The following KCNN2 variants were observed in gnomAD, a reference collection of about 807,000 sequenced individuals.
KCNN2 encodes small conductance calcium-activated potassium channel protein 2.
In KCNN2, 24 loss-of-function variants were observed where a neutral mutation model predicts 55.5. The observed-to-expected ratio is 0.43, with a 90% CI of 0.31 to 0.61. KCNN2 has a LOEUF of 0.61. Among genes scored for constraint, KCNN2 ranks in the 20% least tolerant of loss-of-function variants. KCNN2 has a pLI of 0.08. For synonymous variants in KCNN2, 431 were observed against 336.1 expected, an observed-to-expected ratio of 1.28 and a Z score of -3.09; for missense variants, 754 against 853.6, an observed-to-expected ratio of 0.88 and a Z score of 1.45.
chr5:114,235,482 C>T (rs1198696958), intron 2 of KCNN2, among the ~76,000 whole-genome samples: 3 of 152,054 alleles, frequency 2.0e-5, no homozygotes, highest in Non-Finnish European at 2.9e-5. Flanking sequence ...TATAAATGAA[C>T]ACTGATTCAT....
chr5:114,139,245 A>G (rs1159150939), intron 1 of KCNN2, among the ~76,000 whole-genome samples: 1 of 152,030 alleles, frequency 6.6e-6, no homozygotes, highest in Admixed American at 6.6e-5. Context: ...TGTTTTTTGC[A>G]TACTTGATAA....
At chr5:114,212,714 A>C (rs969628151) in intron 1 of KCNN2, among the ~76,000 whole-genome samples, 1 of 152,138 alleles carries the variant, frequency 6.6e-6, no homozygotes, top group Non-Finnish European at 1.5e-5. Context: ...GTGTAAGAAC[A>C]GGTGATAAAC....
intron 2 of KCNN2, among the ~76,000 whole-genome samples, chr5:114,262,026 C>T (rs973663448): frequency 2.0e-5 from 3 of 152,188 alleles, no homozygotes; most frequent in African/African-American, 7.2e-5. Flanking sequence ...GGTGGCATGG[C>T]CTTTATTAAG....
intron 2 of KCNN2, among the ~76,000 whole-genome samples, chr5:114,322,026 G>C (rs1230419133): frequency 2.0e-5 from 3 of 152,162 alleles, no homozygotes; most frequent in South Asian, 2.1e-4. Flanking sequence ...TTATTACCCA[G>C]TTTCCTCAGC....
chr5:114,147,044 A>G (rs1343371160), intron 1 of KCNN2, among the ~76,000 whole-genome samples: 1 of 152,214 alleles, frequency 6.6e-6, no homozygotes, highest in East Asian at 1.9e-4. Context: ...GCTGATCAAA[A>G]TCTTGTAATG....
At chr5:114,320,421 G>T (rs1035074092) in intron 2 of KCNN2, among the ~76,000 whole-genome samples, 2 of 151,986 alleles carry the variant, frequency 1.3e-5, no homozygotes, top group Non-Finnish European at 2.9e-5. Context: ...AGACCATCCT[G>T]GCTAACATGG....
At chr5:114,078,937 A>G (rs1216047043) in intron 1 of KCNN2, among the ~76,000 whole-genome samples, 3 of 151,922 alleles carry the variant, frequency 2.0e-5, no homozygotes, top group South Asian at 2.1e-4. Flanking sequence ...ATGTGTCATC[A>G]TTTTTTTTGT....
At chr5:114,429,202 C>T (rs998760895) in intron 3 of KCNN2, among the ~76,000 whole-genome samples, 5 of 152,044 alleles carry the variant, frequency 3.3e-5, no homozygotes, top group African/African-American at 1.2e-4. Context: ...ATGAGAGTTC[C>T]TTTTCTCCAC....
intron 1 of KCNN2, among the ~76,000 whole-genome samples, chr5:114,095,296 G>A (rs532283775): frequency 7.2e-5 from 11 of 152,260 alleles, no homozygotes; most frequent in African/African-American, 2.6e-4. Context: ...CTGAGCACTT[G>A]TGAGGTTTCT....
intron 1 of KCNN2, among the ~76,000 whole-genome samples, chr5:114,183,170 C>A (rs1054857558): frequency 2.6e-5 from 4 of 152,004 alleles, no homozygotes; most frequent in African/African-American, 9.7e-5. Context: ...TAGAGTGAAT[C>A]ACATTGATTT....
At chr5:114,317,133 C>T (rs74655271) in intron 2 of KCNN2, among the ~76,000 whole-genome samples, 8,900 of 152,036 alleles carry the variant, frequency 0.059, 329 homozygotes, top group Non-Finnish European at 0.079. Flanking sequence ...ATTACTATAA[C>T]TTTCTGCTTT....
chr5:114,181,682 A>G lies in KCNN2; in HGVS notation c.-270-39798A>G, dbSNP rs541322052. 3.3e-5 allele frequency among the ~76,000 whole-genome samples: 5 copies of G among 152,164 alleles called. No homozygotes were observed. The East Asian group carries it at 9.6e-4, about 29-fold the overall frequency. On this transcript the variant is annotated intron_variant, in intron 1 of 10. Transcript: ENST00000512097. Reference sequence around the variant, plus strand: ...TTTATGTTTGCTTCGAAATATTTTTATAATTTTGGCTCTTATGTTTAGATC... The same window carrying G: ...TTTATGTTTGCTTCGAAATATTTTTGTAATTTTGGCTCTTATGTTTAGATC...
At chr5:114,443,728 G>A (rs191406654) in intron 3 of KCNN2, among the ~76,000 whole-genome samples, 127 of 152,342 alleles carry the variant, frequency 8.3e-4, no homozygotes, top group Admixed American at 1.2e-3. Flanking sequence ...GTGAAGGCAC[G>A]TGAAATAGAT....
intron 2 of KCNN2, among the ~76,000 whole-genome samples, chr5:114,304,428 C>A (rs1756227905): frequency 6.6e-6 from 1 of 152,172 alleles, no homozygotes; most frequent in Non-Finnish European, 1.5e-5. Context: ...TGCTACTGAG[C>A]CTACCCACCC....
chr5:114,152,810 T>C (rs940399489), intron 1 of KCNN2, among the ~76,000 whole-genome samples: 2 of 151,970 alleles, frequency 1.3e-5, no homozygotes, highest in African/African-American at 2.4e-5. Flanking sequence ...GATGCCAGCA[T>C]GTAAAAAGGC....
chr5:114,436,664 G>T (rs1451004134), intron 3 of KCNN2, among the ~76,000 whole-genome samples: 1 of 152,094 alleles, frequency 6.6e-6, no homozygotes. Context: ...TTAATGAAAC[G>T]TATCTGTACA....
intron 1 of KCNN2, among the ~76,000 whole-genome samples, chr5:114,100,576 GT>G (rs1410280803): frequency 1.3e-5 from 2 of 152,042 alleles, no homozygotes; most frequent in Non-Finnish European, 2.9e-5. Flanking sequence ...ATGTATCCAT[GT>G]GGGTATGTGT....
chr5:114,331,851 T>C (rs1335281797), intron 2 of KCNN2, among the ~76,000 whole-genome samples: 1 of 152,182 alleles, frequency 6.6e-6, no homozygotes, highest in Non-Finnish European at 1.5e-5. Flanking sequence ...ATTGATGGAT[T>C]TACCCTGTTC....
rs1430105677 is a variant in KCNN2, at chr5:114,202,585, A to ATATT, written c.-270-18894_-270-18893insATTT. The stretch of plus-strand genomic sequence containing the variant: ...TGTGTGTGTATATATATATATATAT[A>ATATT]TTTTTTTTTTTTTTTTCCCGAGACA... On this transcript the variant is annotated intron_variant, in intron 1 of 10. Transcript: ENST00000512097. Among the ~76,000 whole-genome samples, 112 of 92,134 alleles carry ATATT rather than the reference A, an allele frequency of 1.2e-3. 1 individual carries two copies. Among genetic ancestry groups the ATATT allele is most frequent in the South Asian group, 6.5e-3 (16 of 2,474 alleles). 60.4% of individuals were successfully genotyped at this position (92,134 alleles called of 152,430 possible).
Sources: gnomAD v4.1 joint callset for allele counts (sites outside exome capture counted in the v4.1 genomes callset) on GRCh38, gnomAD v4.1.1 for gene constraint, MANE v1.5 for transcripts, NCBI Gene and HGNC (gene_info 2026-07-23, HGNC 2026-07-21) for gene names.